Variants in HOOK3 observed in about 807,000 individuals in gnomAD.
The protein encoded by HOOK3 is protein Hook homolog 3.
In HOOK3, 24 loss-of-function variants were observed where a neutral mutation model predicts 116.3. That is an observed-to-expected ratio of 0.21 (90% CI 0.15 to 0.29). HOOK3 has a LOEUF of 0.29. Among genes scored for constraint, HOOK3 ranks in the 10% least tolerant of loss-of-function variants. The probability of loss-of-function intolerance (pLI) is 1.00; values close to 1 mark genes in which losing one functional copy is unlikely to be tolerated. For synonymous variants in HOOK3, 275 were observed against 283.0 expected (o/e 0.97, Z 0.28); for missense variants, 632 against 830.2 (o/e 0.76, Z 2.93).
intron 4 of HOOK3, among the ~76,000 whole-genome samples, chr8:42,937,046 T>A (rs1045431504): frequency 1.3e-5 from 2 of 152,198 alleles, no homozygotes; most frequent in African/African-American, 4.8e-5. Context: ...GGTAAGGTAT[T>A]ACTGCCTTAA....
intron 2 of HOOK3, among the ~76,000 whole-genome samples, chr8:42,922,446 G>A (rs1807675332): frequency 6.6e-6 from 1 of 152,106 alleles, no homozygotes; most frequent in Non-Finnish European, 1.5e-5. Flanking sequence ...AGCTACTCTG[G>A]AGGCTGAGGT....
At chr8:42,940,950 A>G (rs974483523) in intron 4 of HOOK3, among the ~76,000 whole-genome samples, 1 of 151,340 alleles carries the variant, frequency 6.6e-6, no homozygotes, top group African/African-American at 2.4e-5. Flanking sequence ...TTATTTACTT[A>G]CTTATTTTTG....
chr8:42,937,750 G>C (rs1033137164), intron 4 of HOOK3, among the ~76,000 whole-genome samples: 4 of 152,188 alleles, frequency 2.6e-5, no homozygotes, highest in African/African-American at 9.7e-5. Context: ...TGTGGTCTGA[G>C]AAACTGTTTG....
At chr8:42,918,574 G>A (rs1441642134) in intron 2 of HOOK3, among the ~76,000 whole-genome samples, 1 of 152,034 alleles carries the variant, frequency 6.6e-6, no homozygotes, top group South Asian at 2.1e-4. Context: ...GGGCCCTGCC[G>A]CCTTCCGCAG....
At chr8:42,903,232 A>T (rs1203257090) in intron 1 of HOOK3, among the ~76,000 whole-genome samples, 2 of 151,846 alleles carry the variant, frequency 1.3e-5, no homozygotes, top group African/African-American at 4.8e-5. Flanking sequence ...TGCTATGAGG[A>T]TCTTTAAGAT....
chr8:42,932,774 G>T (rs73635365), intron 4 of HOOK3, among the ~76,000 whole-genome samples: 7,399 of 152,198 alleles, frequency 0.049, 368 homozygotes, highest in African/African-American at 0.12. Flanking sequence ...AGTTGGAGCA[G>T]GAGTAAAACT....
chr8:42,997,191 C>G (rs569123493), intron 15 of HOOK3, among the ~76,000 whole-genome samples: 60 of 152,212 alleles, frequency 3.9e-4, no homozygotes, highest in Admixed American at 1.5e-3. Context: ...GGGCCACCAC[C>G]CACTTCCTGA....
At chr8:43,018,237 A>G in intron 21 of HOOK3, 121 bp from the exon 22 acceptor site, 4 of 906,432 alleles carry the variant, frequency 4.4e-6, no homozygotes, top group Non-Finnish European at 6.4e-6. Context: ...AGTGAGTAGT[A>G]TTAACATTCC....
intron 17 of HOOK3, among the ~76,000 whole-genome samples, chr8:43,002,927 G>A (rs1441753632): frequency 6.6e-6 from 1 of 152,116 alleles, no homozygotes; most frequent in African/African-American, 2.4e-5. Context: ...TACAAACAAG[G>A]ACTTTGTGGT....
chr8:42,896,997 G>A lies in HOOK3; in HGVS notation c.-135G>A. Reference sequence around the variant, plus strand: ...CGGTGCGGAGCCGCTGCCAGCGCTGGGCGAGAGTCGGCGGCCGGATCCGAG... The same window carrying A: ...CGGTGCGGAGCCGCTGCCAGCGCTGAGCGAGAGTCGGCGGCCGGATCCGAG... On this transcript the variant is annotated 5_prime_UTR_variant, in exon 1 of 22. Coordinates refer to ENST00000307602, the MANE Select transcript of HOOK3 (RefSeq NM_032410.4). The A allele has an allele frequency of 1.8e-6, 1 of 540,942 alleles. No individual in the cohort carries two copies. The highest frequency in any genetic ancestry group is 2.8e-6 in the Non-Finnish European group (1 of 357,006). 33.5% of individuals were successfully genotyped at this position (540,942 alleles called of 1,614,324 possible).
intron 4 of HOOK3, among the ~76,000 whole-genome samples, chr8:42,932,714 T>C (rs983955990): frequency 4.6e-5 from 7 of 152,208 alleles, no homozygotes; most frequent in Admixed American, 1.3e-4. Flanking sequence ...TTGGAACTTA[T>C]GCCCTTTTAG....
intron 2 of HOOK3, among the ~76,000 whole-genome samples, chr8:42,921,453 A>G (rs1277357555): frequency 6.6e-6 from 1 of 152,094 alleles, no homozygotes; most frequent in Non-Finnish European, 1.5e-5. Context: ...TAACTCTTTA[A>G]TGTTTTAGTA....
At chr8:43,002,238 C>T (rs1011758078) in intron 17 of HOOK3, 97 bp downstream of exon 17, 4 of 841,000 alleles carry the variant, frequency 4.8e-6, no homozygotes, top group Non-Finnish European at 7.8e-6. Context: ...GCACAGGTGG[C>T]CCTTGAAGAA....
intron 17 of HOOK3, among the ~76,000 whole-genome samples, chr8:43,007,463 G>A (rs1809515307): frequency 6.6e-6 from 1 of 152,116 alleles, no homozygotes; most frequent in Non-Finnish European, 1.5e-5. Context: ...ATGTGGTTGA[G>A]TATATCATTA....
chr8:42,997,748 A>G, intron 16 of HOOK3, 111 bp downstream of exon 16: 1 of 706,458 alleles, frequency 1.4e-6, no homozygotes, highest in Non-Finnish European at 2.6e-6. Context: ...TATATTGGTT[A>G]TAGAAAAGAA....
Position 43,013,326 on chromosome 8 carries a change from TAGAAAGAA to T in HOOK3, c.1945-2_1950del. The T allele has an allele frequency of 6.8e-7, 1 of 1,469,932 alleles. No individual in the cohort carries two copies. Among genetic ancestry groups the T allele is most frequent in the Admixed American group, 2.2e-5 (1 of 46,036 alleles). The allele number at this position is 1,469,932 out of a possible 1,614,324, so 91.1% of individuals were successfully genotyped here. ...ATTTACATGTGCTTTTTTTTTTTTTTAGAAAGAATATGAGAAAACAAAGAGTCAGAGAG... is the reference window on the plus strand; with the variant it reads ...ATTTACATGTGCTTTTTTTTTTTTTTTATGAGAAAACAAAGAGTCAGAGAG... On this transcript the variant is annotated splice_acceptor_variant and coding_sequence_variant, in exon 21 of 22. Coordinates refer to ENST00000307602, the MANE Select transcript of HOOK3 (RefSeq NM_032410.4). LOFTEE classifies it high-confidence loss of function.
intron 1 of HOOK3, among the ~76,000 whole-genome samples, chr8:42,903,296 A>G (rs1807231429): frequency 7.0e-6 from 1 of 143,492 alleles, no homozygotes; most frequent in Non-Finnish European, 1.5e-5. Flanking sequence ...ACTCTCCTGT[A>G]TTATATACAA....
intron 4 of HOOK3, among the ~76,000 whole-genome samples, chr8:42,937,489 C>T (rs539163854): frequency 3.3e-5 from 5 of 151,538 alleles, no homozygotes; most frequent in African/African-American, 7.3e-5. Context: ...GTTAGGGTGT[C>T]GATTTCAGAT....
rs1180718635 is a variant in HOOK3 at position 43,028,817 on chromosome 8, A to G, written c.*10319A>G. 5.0e-6 allele frequency: 1 copy of G among 198,834 alleles called. No homozygotes were observed. Among genetic ancestry groups the G allele is most frequent in the African/African-American group, 2.3e-5 (1 of 43,424 alleles). The allele number at this position is 198,834 out of a possible 1,614,324, so 12.3% of individuals were successfully genotyped here. On this transcript the variant is annotated 3_prime_UTR_variant, in exon 22 of 22. Transcript: ENST00000307602. ...CTTTTGAGTCAGCTTGGTGCTTACAATTATTTTGTTAGGAAATCTTGATGC... is the reference window on the plus strand; with the variant it reads ...CTTTTGAGTCAGCTTGGTGCTTACAGTTATTTTGTTAGGAAATCTTGATGC...
Sources: gnomAD v4.1 joint callset for allele counts (sites outside exome capture counted in the v4.1 genomes callset) on GRCh38, gnomAD v4.1.1 for gene constraint, MANE v1.5 for transcripts, NCBI Gene and HGNC (gene_info 2026-07-23, HGNC 2026-07-21) for gene names.